DLGAP1: variants seen among roughly 807,000 people sequenced by gnomAD.
DLGAP1 encodes the protein disks large-associated protein 1.
DLGAP1 carries 11 observed loss-of-function variants against 90.8 expected under a neutral mutation model. The observed-to-expected ratio is 0.12, with a 90% CI of 0.08 to 0.20. The LOEUF (loss-of-function observed/expected upper bound fraction) is 0.20. DLGAP1 is among the 10% of genes least tolerant of loss of function. The probability of loss-of-function intolerance (pLI) is 1.00; values close to 1 mark genes in which losing one functional copy is unlikely to be tolerated. For synonymous variants in DLGAP1, 558 were observed against 540.7 expected, an observed-to-expected ratio of 1.03 and a Z score of -0.44; for missense variants, 1,050 against 1,333.8, an observed-to-expected ratio of 0.79 and a Z score of 3.31.
chr18:4,266,230 A>G (rs535967632), intron 1 of DLGAP1, among the ~76,000 whole-genome samples: 65 of 152,330 alleles, frequency 4.3e-4, no homozygotes, highest in Non-Finnish European at 6.8e-4. Flanking sequence ...CTTTATAAGT[A>G]GCTCTACACT....
At chr18:4,008,226 TACACACACAC>T (rs67739004) in intron 2 of DLGAP1, among the ~76,000 whole-genome samples, 1 of 147,008 alleles carries the variant, frequency 6.8e-6, no homozygotes, top group Non-Finnish European at 1.5e-5. Flanking sequence ...TATATATATA[TACACACACAC>T]ACACACACAC....
chr18:4,036,065 G>T (rs2074883986), intron 2 of DLGAP1, among the ~76,000 whole-genome samples: 1 of 152,148 alleles, frequency 6.6e-6, no homozygotes, highest in Non-Finnish European at 1.5e-5. Flanking sequence ...TATTTTCAGG[G>T]ATGGAAAGAT....
intron 1 of DLGAP1, among the ~76,000 whole-genome samples, chr18:4,207,935 C>T (rs1568451406): frequency 6.6e-6 from 1 of 152,160 alleles, no homozygotes; most frequent in South Asian, 2.1e-4. Context: ...AAATCATCCG[C>T]ATTTTTTTGA....
chr18:3,643,972 C>G (rs1226212757), intron 7 of DLGAP1, among the ~76,000 whole-genome samples: 2 of 152,236 alleles, frequency 1.3e-5, no homozygotes, highest in Non-Finnish European at 2.9e-5. Flanking sequence ...ATATTGTACT[C>G]TCTTCTCCTA....
intron 4 of DLGAP1, among the ~76,000 whole-genome samples, chr18:3,861,330 A>C (rs183379631): frequency 6.6e-6 from 1 of 152,326 alleles, no homozygotes; most frequent in East Asian, 1.9e-4. Context: ...ATAAACTGTC[A>C]TCATAAGGAA....
At chr18:3,703,454 T>C (rs2061342190) in intron 7 of DLGAP1, among the ~76,000 whole-genome samples, 1 of 152,110 alleles carries the variant, frequency 6.6e-6, no homozygotes, top group Non-Finnish European at 1.5e-5. Context: ...ACACAGAAAA[T>C]AGAGGACAGA....
chr18:3,650,872 TC>T (rs1567899070), intron 7 of DLGAP1, among the ~76,000 whole-genome samples: 24 of 151,226 alleles, frequency 1.6e-4, no homozygotes, highest in African/African-American at 5.3e-4. Context: ...TTGGAGACCA[TC>T]CTGGCCAACA....
rs1798714564 is a variant in DLGAP1 at position 3,653,060 on chromosome 18, A to G, written c.1592-70812T>C. Among the ~76,000 whole-genome samples, 1 of 152,228 alleles carries G rather than the reference A, an allele frequency of 6.6e-6. No individual in the cohort carries two copies. ...GACTCAGGGGTGACTCAGCTCTTCC[A>G]TGACCTGTGTTCCCACTTCTCCTTG... On this transcript the variant is annotated intron_variant, in intron 7 of 12. Transcript: ENST00000315677. This position sits in a 1 kb window ranked among gnomAD's most constrained non-coding sequence, Gnocchi z 4.6.
intron 3 of DLGAP1, among the ~76,000 whole-genome samples, chr18:3,921,603 C>T (rs1243310514): frequency 3.9e-5 from 6 of 152,134 alleles, no homozygotes; most frequent in African/African-American, 1.4e-4. Flanking sequence ...TTTGTCAAAG[C>T]ACATTGCAAA....
chr18:3,710,278 G>A (rs1384407255), intron 7 of DLGAP1, among the ~76,000 whole-genome samples: 1 of 152,148 alleles, frequency 6.6e-6, no homozygotes, highest in Non-Finnish European at 1.5e-5. Context: ...TTGAGGGGCT[G>A]GGACTCAAGA....
rs115473115 is a variant in DLGAP1, at chr18:3,867,148, A to G, written c.957+11964T>C. ...ATTACAGGTGTGAACCACTGCGCCC[A>G]GCCAGAATCAGTGTTATTAACACTG... On this transcript the variant is annotated intron_variant, in intron 4 of 12. Coordinates refer to ENST00000315677, the MANE Select transcript of DLGAP1 (RefSeq NM_004746.4). Among the ~76,000 whole-genome samples the G allele has an allele frequency of 7.2e-3, 1,103 of 152,268 alleles. 12 individuals are homozygous for G. The highest frequency in any genetic ancestry group is 0.041 in the East Asian group (211 of 5,170).
At chr18:3,523,678 T>A (rs901891339) in intron 10 of DLGAP1, among the ~76,000 whole-genome samples, 1 of 151,818 alleles carries the variant, frequency 6.6e-6, no homozygotes, top group Non-Finnish European at 1.5e-5. Flanking sequence ...AAACCCCGTC[T>A]CTACTAAAAA....
chr18:4,022,519 T>A (rs2074630438), intron 2 of DLGAP1, among the ~76,000 whole-genome samples: 1 of 152,128 alleles, frequency 6.6e-6, no homozygotes, highest in Non-Finnish European at 1.5e-5. Context: ...TAACTTTTCT[T>A]ATTCAACCCT....
At chr18:3,760,106 A>G (rs541151914) in intron 5 of DLGAP1, among the ~76,000 whole-genome samples, 1 of 152,334 alleles carries the variant, frequency 6.6e-6, no homozygotes, top group Non-Finnish European at 1.5e-5. Context: ...ACATCATTGT[A>G]ATCCCCAATG....
At position 3,883,855 on chromosome 18, in the gene DLGAP1, C is replaced by G. The variant is rs137857187; in HGVS notation, c.-72-3715G>C. ...TGACCTATATACCTTTGACTTCTAA[C>G]TCTGCAACTCACTGGGCAATATCGT... On this transcript the variant is annotated intron_variant, in intron 3 of 12. Transcript: ENST00000315677. 1.6e-3 allele frequency among the ~76,000 whole-genome samples: 238 copies of G among 152,358 alleles called. 6 individuals are homozygous for G. The East Asian group carries it at 0.04, about 26-fold the overall frequency.
At chr18:4,303,272 A>ATT (rs111756809) in intron 1 of DLGAP1, among the ~76,000 whole-genome samples, 47 of 150,394 alleles carry the variant, frequency 3.1e-4, no homozygotes, top group African/African-American at 1.0e-3. Context: ...GTATTATTCT[A>ATT]TTTTTTTTTT....
At chr18:4,361,054 T>G (rs1443853357) in intron 1 of DLGAP1, among the ~76,000 whole-genome samples, 1 of 152,194 alleles carries the variant, frequency 6.6e-6, no homozygotes, top group Non-Finnish European at 1.5e-5. Flanking sequence ...ATACATTCTT[T>G]GTAGAAGAAA....
chr18:3,962,287 T>C (rs1442102521), intron 3 of DLGAP1: 2 of 152,188 alleles, frequency 1.3e-5, no homozygotes, highest in African/African-American at 4.8e-5. Flanking sequence ...TCACTCATCG[T>C]TTCTTCACAT....
At chr18:4,384,507 T>C (rs2082192254) in intron 1 of DLGAP1, among the ~76,000 whole-genome samples, 1 of 152,138 alleles carries the variant, frequency 6.6e-6, no homozygotes, top group African/African-American at 2.4e-5. Context: ...GAATTTTATT[T>C]TTCATCTTTG....
Sources: allele counts gnomAD v4.1 joint callset (sites outside exome capture counted in the v4.1 genomes callset), GRCh38; gene constraint gnomAD v4.1.1; non-coding constraint Gnocchi (gnomAD v3.1); transcripts MANE v1.5; gene names NCBI Gene and HGNC (gene_info 2026-07-23, HGNC 2026-07-21).